The following CNTN4 variants were observed in gnomAD, a reference collection of about 807,000 sequenced individuals.
CNTN4 encodes the protein contactin 4.
Under a neutral mutation model 122.5 loss-of-function variants are expected in CNTN4, and 77 were observed. The ratio of observed to expected loss-of-function variants is 0.63; its 90% CI spans 0.52 to 0.76. The LOEUF (loss-of-function observed/expected upper bound fraction) is 0.76, where lower values mean the gene tolerates loss of function less well. Ranked by LOEUF, CNTN4 falls within the 30% of genes least tolerant of loss-of-function variation. The pLI is 0.00. For missense variants in CNTN4, 1,256 were observed against 1,259.1 expected (o/e 1.00, Z 0.04); for synonymous variants, 512 against 447.0 (o/e 1.15, Z -1.83).
intron 3 of CNTN4, among the ~76,000 whole-genome samples, chr3:2,344,931 T>A (rs2044344931): frequency 6.6e-6 from 1 of 152,208 alleles, no homozygotes; most frequent in African/African-American, 2.4e-5. Flanking sequence ...ATGCCTAGAA[T>A]TTCTGTTAGC....
At chr3:2,887,638 G>A (rs2093993926) in intron 10 of CNTN4, among the ~76,000 whole-genome samples, 2 of 150,760 alleles carry the variant, frequency 1.3e-5, no homozygotes, top group Admixed American at 1.3e-4. Context: ...TTTTGTAATT[G>A]CTCCTATTTG....
At chr3:2,898,793 T>C (rs1234853493) in intron 10 of CNTN4, among the ~76,000 whole-genome samples, 1 of 152,222 alleles carries the variant, frequency 6.6e-6, no homozygotes, top group Non-Finnish European at 1.5e-5. Flanking sequence ...TTCTGTGGCT[T>C]TTCTTGTTTG....
At chr3:2,207,462 A>G (rs114210998) in intron 2 of CNTN4, among the ~76,000 whole-genome samples, 299 of 152,208 alleles carry the variant, frequency 2.0e-3, no homozygotes, top group African/African-American at 7.0e-3. Context: ...AAATGATAAG[A>G]AAGTGAAATA....
chr3:2,124,092 A>C (rs1051522967), intron 2 of CNTN4, among the ~76,000 whole-genome samples: 7 of 152,210 alleles, frequency 4.6e-5, no homozygotes, highest in Non-Finnish European at 8.8e-5. Flanking sequence ...ATAAGGGGAA[A>C]AAAATCACTT....
chr3:2,905,527 T>A (rs1200053417), intron 12 of CNTN4, among the ~76,000 whole-genome samples: 1 of 152,206 alleles, frequency 6.6e-6, no homozygotes, highest in Non-Finnish European at 1.5e-5. Context: ...TCATAGGGGC[T>A]TCACCTCTTA....
intron 13 of CNTN4, among the ~76,000 whole-genome samples, chr3:2,928,637 AT>A (rs1272291803): frequency 6.6e-6 from 1 of 152,224 alleles, no homozygotes; most frequent in Non-Finnish European, 1.5e-5. Flanking sequence ...TAAAAATATT[AT>A]TAATCCCTTA....
intron 4 of CNTN4, among the ~76,000 whole-genome samples, chr3:2,696,438 T>G (rs2086039312): frequency 6.6e-6 from 1 of 152,178 alleles, no homozygotes; most frequent in African/African-American, 2.4e-5. Flanking sequence ...TCAAAGAAAG[T>G]TTGCTGCTTT....
intron 2 of CNTN4, among the ~76,000 whole-genome samples, chr3:2,125,115 C>T (rs772934385): frequency 1.2e-4 from 19 of 152,084 alleles, no homozygotes; most frequent in Non-Finnish European, 1.8e-4. Context: ...AATAACTCTC[C>T]ATTTTTCCTT....
intron 2 of CNTN4, among the ~76,000 whole-genome samples, chr3:2,216,409 A>G (rs1026056068): frequency 1.3e-5 from 2 of 152,126 alleles, no homozygotes; most frequent in African/African-American, 4.8e-5. Flanking sequence ...GGGAGGAGGG[A>G]GAGCAGAAAA....
intron 2 of CNTN4, among the ~76,000 whole-genome samples, chr3:2,250,174 T>A (rs1384932062): frequency 6.6e-6 from 1 of 151,982 alleles, no homozygotes. Context: ...CACTTCTGTG[T>A]GATCAATTAC....
intron 4 of CNTN4, among the ~76,000 whole-genome samples, chr3:2,726,262 G>A (rs2088215939): frequency 6.6e-6 from 1 of 152,156 alleles, no homozygotes; most frequent in South Asian, 2.1e-4. Flanking sequence ...TCATTAGCCA[G>A]GCTTTGGTCA....
At chr3:2,295,996 A>G (rs978535709) in intron 2 of CNTN4, among the ~76,000 whole-genome samples, 16 of 152,204 alleles carry the variant, frequency 1.1e-4, no homozygotes, top group South Asian at 4.2e-4. Context: ...GTAGATATGC[A>G]GCATTATTTC....
At chr3:2,899,135 A>G (rs1291434607) in intron 10 of CNTN4, among the ~76,000 whole-genome samples, 1 of 152,232 alleles carries the variant, frequency 6.6e-6, no homozygotes, top group Non-Finnish European at 1.5e-5. Flanking sequence ...TTGCTTATAG[A>G]TGAGAAAAGA....
intron 18 of CNTN4, among the ~76,000 whole-genome samples, chr3:3,038,417 C>G (rs1456344144): frequency 1.3e-5 from 2 of 152,198 alleles, no homozygotes; most frequent in African/African-American, 4.8e-5. Context: ...TTCGCCCACC[C>G]CAGCTCTGAG....
At chr3:2,153,192 G>A (rs570471418) in intron 2 of CNTN4, among the ~76,000 whole-genome samples, 6 of 152,256 alleles carry the variant, frequency 3.9e-5, no homozygotes, top group Admixed American at 2.6e-4. Flanking sequence ...AAATGTAAGC[G>A]TCATTGGCAT....
At chr3:2,292,784 A>G (rs2042180693) in intron 2 of CNTN4, among the ~76,000 whole-genome samples, 1 of 152,238 alleles carries the variant, frequency 6.6e-6, no homozygotes, top group African/African-American at 2.4e-5. Flanking sequence ...ACAGATGAAT[A>G]TATCACAATT....
intron 7 of CNTN4, among the ~76,000 whole-genome samples, chr3:2,840,528 G>A (rs989872421): frequency 5.7e-5 from 5 of 87,120 alleles, no homozygotes; most frequent in Non-Finnish European, 1.3e-4. Flanking sequence ...GTGAAACCCC[G>A]TCTCTACTAA....
chr3:2,188,208 G>A (rs1181911384), intron 2 of CNTN4, among the ~76,000 whole-genome samples: 1 of 152,050 alleles, frequency 6.6e-6, no homozygotes, highest in East Asian at 1.9e-4. Flanking sequence ...TGTTCCTCTG[G>A]CCCTTCAACA....
intron 4 of CNTN4, among the ~76,000 whole-genome samples, chr3:2,601,949 A>T (rs2081064829): frequency 6.6e-6 from 1 of 152,186 alleles, no homozygotes; most frequent in Non-Finnish European, 1.5e-5. Context: ...TACGCAAATC[A>T]ATAAACGTAA....
Sources: gnomAD v4.1 joint callset for allele counts (sites outside exome capture counted in the v4.1 genomes callset) on GRCh38, gnomAD v4.1.1 for gene constraint, MANE v1.5 for transcripts, NCBI Gene and HGNC (gene_info 2026-07-23, HGNC 2026-07-21) for gene names.